Variants in LRP1B observed in about 807,000 individuals in gnomAD.
LRP1B encodes the protein LDL receptor related protein 1B.
In LRP1B, 217 loss-of-function variants were observed where a neutral mutation model predicts 556.6. The ratio of observed to expected loss-of-function variants is 0.39; its 90% CI spans 0.35 to 0.44. The LOEUF (loss-of-function observed/expected upper bound fraction) is 0.44. LRP1B is among the 20% of genes least tolerant of loss of function. The pLI is 1.00. For synonymous variants in LRP1B, 2,047 were observed against 1,865.8 expected (o/e 1.10, Z -2.50); for missense variants, 5,053 against 5,620.8 (o/e 0.90, Z 3.23).
intron 2 of LRP1B, among the ~76,000 whole-genome samples, chr2:141,525,164 A>T (rs920947103): frequency 6.6e-6 from 1 of 152,110 alleles, no homozygotes; most frequent in African/African-American, 2.4e-5. Flanking sequence ...CTCTATAAGC[A>T]ATCTTTTAAC....
At chr2:140,859,656 G>A (rs1228426082) in intron 27 of LRP1B, among the ~76,000 whole-genome samples, 2 of 151,940 alleles carry the variant, frequency 1.3e-5, no homozygotes, top group East Asian at 3.8e-4. Flanking sequence ...TGTTTTATAA[G>A]CATTATTTTA....
chr2:140,942,038 G>T (rs1695417226), intron 20 of LRP1B, among the ~76,000 whole-genome samples: 1 of 152,058 alleles, frequency 6.6e-6, no homozygotes, highest in Admixed American at 6.6e-5. Flanking sequence ...CCAATCCAGT[G>T]AAACAAGAAT....
At chr2:140,348,356 A>T (rs1681790615) in intron 77 of LRP1B, among the ~76,000 whole-genome samples, 1 of 152,088 alleles carries the variant, frequency 6.6e-6, no homozygotes, top group Admixed American at 6.6e-5. Flanking sequence ...AGTATTTTTT[A>T]AAATAATGTA....
intron 3 of LRP1B, among the ~76,000 whole-genome samples, chr2:141,404,445 A>T (rs1690554966): frequency 6.6e-6 from 1 of 152,218 alleles, no homozygotes; most frequent in Non-Finnish European, 1.5e-5. Flanking sequence ...GTAAGAGGAA[A>T]AAGAATAATA....
intron 85 of LRP1B, among the ~76,000 whole-genome samples, chr2:140,273,723 T>C (rs1682559464): frequency 6.6e-6 from 1 of 151,968 alleles, no homozygotes; most frequent in Non-Finnish European, 1.5e-5. Context: ...TAAAAAGCTA[T>C]TAAAAGAGGT....
chr2:140,422,891 G>A (rs958261755), intron 66 of LRP1B, among the ~76,000 whole-genome samples: 6 of 152,134 alleles, frequency 3.9e-5, no homozygotes, highest in Non-Finnish European at 7.4e-5. Context: ...TGACATTTTC[G>A]GTCCTGCCTT....
intron 3 of LRP1B, among the ~76,000 whole-genome samples, chr2:141,312,801 G>C (rs910085442): frequency 6.6e-6 from 1 of 151,650 alleles, no homozygotes; most frequent in Non-Finnish European, 1.5e-5. Context: ...AGATTCTCTT[G>C]CCTCAGCCTC....
chr2:140,531,110 T>C (rs1690672788), intron 47 of LRP1B, among the ~76,000 whole-genome samples: 1 of 152,172 alleles, frequency 6.6e-6, no homozygotes, highest in South Asian at 2.1e-4. Flanking sequence ...TTTGAAAATA[T>C]ACTTTCATTT....
At chr2:140,564,790 C>G (rs1019234886) in intron 43 of LRP1B, among the ~76,000 whole-genome samples, 4 of 151,994 alleles carry the variant, frequency 2.6e-5, no homozygotes, top group African/African-American at 9.7e-5. Context: ...AGCAAGGCAC[C>G]AAATAGACTC....
At chr2:140,891,418 CT>C (rs1559177920) in intron 23 of LRP1B, among the ~76,000 whole-genome samples, 1 of 152,094 alleles carries the variant, frequency 6.6e-6, no homozygotes. Context: ...GTGAAATCCC[CT>C]GATTCTTTAC....
chr2:141,586,799 G>A (rs1443002627), intron 2 of LRP1B, among the ~76,000 whole-genome samples: 5 of 151,934 alleles, frequency 3.3e-5, no homozygotes, highest in Admixed American at 6.6e-5. Flanking sequence ...AAAATTAGCC[G>A]GGCATGGTGG....
At chr2:141,873,313 A>C (rs1698649239) in intron 1 of LRP1B, among the ~76,000 whole-genome samples, 1 of 151,854 alleles carries the variant, frequency 6.6e-6, no homozygotes, top group Non-Finnish European at 1.5e-5. Flanking sequence ...CAAAAAAATT[A>C]GTGGGGTATG....
At chr2:141,903,274 T>C (rs970921968) in intron 1 of LRP1B, among the ~76,000 whole-genome samples, 6 of 152,034 alleles carry the variant, frequency 3.9e-5, no homozygotes, top group African/African-American at 1.4e-4. Flanking sequence ...AATCTATATA[T>C]TAAAGAAGAA....
At chr2:140,692,779 AAG>A (rs1686290981) in intron 41 of LRP1B, among the ~76,000 whole-genome samples, 2 of 146,126 alleles carry the variant, frequency 1.4e-5, no homozygotes, top group African/African-American at 2.5e-5. Flanking sequence ...TTCTGCTGCA[AAG>A]AGTTTTTAAT....
At chr2:140,875,277 G>A (rs1292204997) in intron 25 of LRP1B, among the ~76,000 whole-genome samples, 1 of 152,054 alleles carries the variant, frequency 6.6e-6, no homozygotes, top group Non-Finnish European at 1.5e-5. Flanking sequence ...TAAAGTCAAA[G>A]GCATACTAAT....
intron 86 of LRP1B, among the ~76,000 whole-genome samples, chr2:140,261,515 T>C (rs1489629962): frequency 6.6e-6 from 1 of 151,656 alleles, no homozygotes; most frequent in Non-Finnish European, 1.5e-5. Flanking sequence ...CTAGAAAAAA[T>C]AGTGAAGTAT....
chr2:141,119,395 T>A (rs1018902585), intron 7 of LRP1B, among the ~76,000 whole-genome samples: 2 of 151,836 alleles, frequency 1.3e-5, no homozygotes, highest in African/African-American at 2.4e-5. Flanking sequence ...TTTCAAAACA[T>A]TTGCTAGATA....
chr2:140,483,613 CACATATATATAT>C (rs1164163718), intron 59 of LRP1B, among the ~76,000 whole-genome samples: 2 of 79,738 alleles, frequency 2.5e-5, no homozygotes, highest in African/African-American at 5.3e-5. Flanking sequence ...CACACACACA[CACATATATATAT>C]ATATATATAT....
At chr2:141,322,088 T>C (rs79379435) in intron 3 of LRP1B, among the ~76,000 whole-genome samples, 4,498 of 152,164 alleles carry the variant, frequency 0.03, 221 homozygotes, top group African/African-American at 0.1. Flanking sequence ...TTGAAAATTG[T>C]TGAAATTATT....
Sources: allele counts gnomAD v4.1 joint callset (sites outside exome capture counted in the v4.1 genomes callset), GRCh38; gene constraint gnomAD v4.1.1; transcripts MANE v1.5; gene names NCBI Gene and HGNC (gene_info 2026-07-23, HGNC 2026-07-21).